The following FES variants were observed in gnomAD, a reference collection of about 807,000 sequenced individuals.
The protein encoded by FES is FES proto-oncogene, tyrosine kinase.
A neutral mutation model predicts 109.6 loss-of-function variants in FES; 83 were observed. The observed-to-expected ratio is 0.76, with a 90% CI of 0.63 to 0.91. The LOEUF (loss-of-function observed/expected upper bound fraction) is 0.91, where lower values mean the gene tolerates loss of function less well. FES is among the 40% of genes least tolerant of loss of function. The pLI, the probability that FES is intolerant of heterozygous loss-of-function variation, is 0.00. For synonymous variants in FES, 458 were observed against 442.1 expected (o/e 1.04, Z -0.45); for missense variants, 943 against 1,070.9 (o/e 0.88, Z 1.67).
Position 90,890,082 on chromosome 15 carries a change from C to T in FES, c.1050-10C>T. ...TTCTCATCCACCCTCCCACCCGCCC[C>T]TGCCTGCAGGGTGCAGCTGCTGGGC... On this transcript the variant is annotated splice_polypyrimidine_tract_variant and intron_variant, in intron 8 of 18. Coordinates refer to ENST00000328850, the MANE Select transcript of FES (RefSeq NM_002005.4). 6.5e-7 allele frequency: 1 copy of T among 1,548,936 alleles called. No individual in the cohort carries two copies.
Position 90,889,478 on chromosome 15 carries a change from C to A in FES, c.806+35C>A. On this transcript the variant is annotated intron_variant, in intron 6 of 18. Coordinates refer to ENST00000328850, the MANE Select transcript of FES (RefSeq NM_002005.4). The surrounding 1 kb of genome is among the most constrained non-coding windows in gnomAD (Gnocchi z 6.1). ...GTCCTTGCTCCTGCTGGGCCCAGGGCTGCTGGCCTGTCCACTGACGGGGCG... is the reference window on the plus strand; with the variant it reads ...GTCCTTGCTCCTGCTGGGCCCAGGGATGCTGGCCTGTCCACTGACGGGGCG... 6.2e-7 allele frequency: 1 copy of A among 1,613,920 alleles called. No individual in the cohort carries two copies. Among genetic ancestry groups the A allele is most frequent in the African/African-American group, 1.3e-5 (1 of 75,050 alleles).
In FES at chr15:90,889,967, G is replaced by T; in HGVS notation, c.1049+5G>T. 1 of 1,612,704 alleles carries T rather than the reference G, an allele frequency of 6.2e-7. No homozygotes were observed. ...GAACACCCACCCCCGGGAGCGGTGA[G>T]TGGGCCCCTGCCTGCAGCAGCCTCC... On this transcript the variant is annotated splice_donor_5th_base_variant and intron_variant, in intron 8 of 18. Coordinates refer to ENST00000328850, the MANE Select transcript of FES (RefSeq NM_002005.4). The surrounding 1 kb of genome is among the most constrained non-coding windows in gnomAD (Gnocchi z 6.1).
chr15:90,889,235 T>C lies in FES; in HGVS notation c.669-71T>C. ...CCCAGCCCTGACTCCAAACCCAGGGTCCTAGGCCTGAACTGCCCAGCCTTG... is the reference window on the plus strand; with the variant it reads ...CCCAGCCCTGACTCCAAACCCAGGGCCCTAGGCCTGAACTGCCCAGCCTTG... On this transcript the variant is annotated intron_variant, in intron 5 of 18. Transcript: ENST00000328850. The surrounding 1 kb of genome is among the most constrained non-coding windows in gnomAD (Gnocchi z 6.1). The C allele has an allele frequency of 6.3e-7, 1 of 1,586,330 alleles. No homozygotes were observed.
rs143351963 is a variant in FES at position 90,889,365 on chromosome 15, C to T, written c.728C>T (p.Ala243Val). Residue 243 changes from alanine (A) to valine (V), a missense_variant, in exon 6 of 19, where the codon GCC becomes GTC. Coordinates refer to ENST00000328850, the MANE Select transcript of FES (RefSeq NM_002005.4). The surrounding 1 kb of genome is among the most constrained non-coding windows in gnomAD (Gnocchi z 6.1). ...ISSLVQDEVVAIHREMAAAAA... is the reference protein window; with the variant it reads ...ISSLVQDEVVVIHREMAAAAA... ...AGCCTGGTGCAGGATGAGGTGGTGG[C>T]CATTCACCGGGAGATGGCTGCAGCT... 7.3e-5 allele frequency: 118 copies of T among 1,614,034 alleles called. No individual in the cohort carries two copies. Among genetic ancestry groups the T allele is most frequent in the Non-Finnish European group, 9.7e-5 (114 of 1,180,022 alleles).
At position 90,890,268 on chromosome 15, in the gene FES, C is replaced by T. The variant is rs1016627176; in HGVS notation, c.1226C>T (p.Thr409Met). ...CTCCTGCAGGATGACCGCCACTCCA[C>T]GTCGTCCTCGGTGAGCTGCCCCATC... ...VLLLQDDRHS[T>M]SSSEQEREGG... Residue 409 changes from threonine to methionine, a missense_variant, in exon 9 of 19, where the codon ACG (threonine) becomes ATG (methionine). By Grantham distance (81) the Thr-to-Met change is moderately conservative. Transcript: ENST00000328850. The T allele has an allele frequency of 2.5e-6, 4 of 1,591,384 alleles. No homozygotes were observed. Among genetic ancestry groups the T allele is most frequent in the African/African-American group, 1.3e-5 (1 of 74,796 alleles).
At position 90,889,602 on chromosome 15, in the gene FES, C is replaced by T; in HGVS notation, c.892C>T (p.Leu298=). The change falls in exon 7 of 19, where the codon CTG becomes TTG. Residue 298 remains leucine (L), a synonymous_variant. Coordinates refer to ENST00000328850, the MANE Select transcript of FES (RefSeq NM_002005.4). This position sits in a 1 kb window ranked among gnomAD's most constrained non-coding sequence, Gnocchi z 6.1. ...GEPLEPGELQ[L]NELTVESVQH... Reference sequence around the variant, plus strand: ...ACCGCTGGAGCCTGGGGAGCTCCAGCTGAACGAGCTGACTGTGGAGAGCGT... The same window carrying T: ...ACCGCTGGAGCCTGGGGAGCTCCAGTTGAACGAGCTGACTGTGGAGAGCGT... The T allele has an allele frequency of 6.2e-7, 1 of 1,613,576 alleles. No homozygotes were observed. Among genetic ancestry groups the T allele is most frequent in the Non-Finnish European group, 8.5e-7 (1 of 1,180,018 alleles).
rs763115607 is a variant in FES at position 90,891,671 on chromosome 15, C to T, written c.1648C>T (p.Pro550Ser). The T allele has an allele frequency of 1.2e-6, 2 of 1,613,710 alleles. No individual in the cohort carries two copies. Among genetic ancestry groups the T allele is most frequent in the Non-Finnish European group, 1.7e-6 (2 of 1,179,908 alleles). Residue 550 changes from proline to serine, a missense_variant, in exon 12 of 19, where the codon CCC (proline) becomes TCC (serine). Physicochemically the swap from Pro to Ser is moderately conservative, Grantham distance 74. Transcript: ENST00000328850. ...TGGTGTTGTCCTGCACAGGGCTGTG[C>T]CCAAGGTGAGCCTGCACCCAGCCTG... is the stretch of plus-strand genomic sequence containing the variant. ...KSGVVLHRAV[P>S]KDKWVLNHED... is the part of the protein sequence containing the mutation.
chr15:90,890,278 G>A lies in FES; in HGVS notation c.1236G>A (p.Ser412=), dbSNP rs763614714. The part of the protein sequence containing the change: ...LQDDRHSTSS[S]EQEREGGRTP... The stretch of plus-strand genomic sequence containing the variant: ...ATGACCGCCACTCCACGTCGTCCTC[G>A]GTGAGCTGCCCCATCCGCGGCCGCT... The change falls in exon 9 of 19, where the codon TCG becomes TCA. Residue 412 remains serine, a splice_region_variant and synonymous_variant. Coordinates refer to ENST00000328850, the MANE Select transcript of FES (RefSeq NM_002005.4). 1.6e-5 allele frequency: 25 copies of A among 1,590,252 alleles called. No homozygotes were observed. Among genetic ancestry groups the A allele is most frequent in the East Asian group, 2.2e-5 (1 of 44,552 alleles).
chr15:90,886,293 G>C (rs2032615287), intron 3 of FES, among the ~76,000 whole-genome samples: 1 of 152,224 alleles, frequency 6.6e-6, no homozygotes. Flanking sequence ...ATGCCCTTTT[G>C]TTTTCATATT....
Position 90,885,530 on chromosome 15 carries a change from A to C in FES, c.332A>C (p.Gln111Pro). 1.9e-6 allele frequency: 3 copies of C among 1,613,210 alleles called. No homozygotes were observed. The highest frequency in any genetic ancestry group is 2.5e-6 in the Non-Finnish European group (3 of 1,180,004). ...KLSLLIRERQ[Q>P]LRKTYSEQWQ... is the part of the protein sequence containing the mutation. ...AGCCTGCTCATCCGGGAACGGCAGC[A>C]GCTTCGCAAGACCTACAGCGAGCAG... Residue 111 changes from glutamine to proline, a missense_variant, in exon 3 of 19, where the codon CAG becomes CCG. By Grantham distance (76) the Gln-to-Pro change is moderately conservative. Transcript: ENST00000328850.
At chr15:90,887,983 G>A (rs1213075174) in intron 5 of FES, among the ~76,000 whole-genome samples, 7 of 152,208 alleles carry the variant, frequency 4.6e-5, no homozygotes, top group African/African-American at 1.4e-4. Flanking sequence ...AGTCATACAC[G>A]AGGCTGGAGG....
Position 90,890,499 on chromosome 15 carries a change from G to C in FES, c.1320+15G>C. ...CCAAGTTCTCGGTGAGTGGCGCCCAGCCTGGGCCCCCCTACTGTTGTGTTT... is the reference window on the plus strand; with the variant it reads ...CCAAGTTCTCGGTGAGTGGCGCCCACCCTGGGCCCCCCTACTGTTGTGTTT... On this transcript the variant is annotated intron_variant, in intron 10 of 18. Coordinates refer to ENST00000328850, the MANE Select transcript of FES (RefSeq NM_002005.4). The C allele has an allele frequency of 6.2e-7, 1 of 1,606,996 alleles. No individual in the cohort carries two copies. The highest frequency in any genetic ancestry group is 8.5e-7 in the Non-Finnish European group (1 of 1,175,422).
chr15:90,888,091 G>C (rs1465370270), intron 5 of FES, among the ~76,000 whole-genome samples: 1 of 152,084 alleles, frequency 6.6e-6, no homozygotes, highest in Non-Finnish European at 1.5e-5. Context: ...TCTGACCTCT[G>C]TTTTTTTGTT....
At chr15:90,894,472 C>T (rs2033526309) in intron 18 of FES, among the ~76,000 whole-genome samples, 1 of 152,178 alleles carries the variant, frequency 6.6e-6, no homozygotes, top group Admixed American at 6.5e-5. Context: ...GTAATCCCAG[C>T]TACTTGGGAG....
rs776414086 is a variant in FES, at chr15:90,895,474, G to A, written c.2385G>A (p.Gln795=). ...ATGCCGTGTTCAGGCTCATGGAGCAGTGCTGGGCCTATGAGCCTGGGCAGC... is the reference window on the plus strand; with the variant it reads ...ATGCCGTGTTCAGGCTCATGGAGCAATGCTGGGCCTATGAGCCTGGGCAGC... The part of the protein sequence containing the change: ...CPDAVFRLME[Q]CWAYEPGQRP... Residue 795 remains glutamine (Q), a synonymous_variant, in exon 19 of 19, where the codon CAG becomes CAA. Transcript: ENST00000328850. 3.8e-6 allele frequency: 6 copies of A among 1,598,630 alleles called. No homozygotes were observed. Among genetic ancestry groups the A allele is most frequent in the East Asian group, 2.3e-5 (1 of 43,758 alleles).
Position 90,889,228 on chromosome 15 carries a change from C to T in FES, c.669-78C>T. The T allele has an allele frequency of 6.4e-7, 1 of 1,566,900 alleles. No individual in the cohort carries two copies. Among genetic ancestry groups the T allele is most frequent in the Non-Finnish European group, 8.7e-7 (1 of 1,154,770 alleles). On this transcript the variant is annotated intron_variant, in intron 5 of 18. Transcript: ENST00000328850. The surrounding 1 kb of genome is among the most constrained non-coding windows in gnomAD (Gnocchi z 6.1). ...GGTCAACCCCAGCCCTGACTCCAAA[C>T]CCAGGGTCCTAGGCCTGAACTGCCC...
rs776321088 is a variant in FES at position 90,893,137 on chromosome 15, C to G, written c.1864C>G (p.Leu622Val). 2.5e-6 allele frequency: 4 copies of G among 1,613,900 alleles called. No homozygotes were observed. The Admixed American group carries it at 6.7e-5, about 27-fold the overall frequency. ...GTACAGCCACCCCAACATCGTGCGT[C>G]TCATTGGTGTCTGCACCCAGAAGCA... ...KQYSHPNIVR[L>V]IGVCTQKQPI... The change falls in exon 15 of 19, where the codon CTC becomes GTC. Residue 622 changes from leucine (L) to valine (V), a missense_variant. By Grantham distance (32) the Leu-to-Val change is conservative. Coordinates refer to ENST00000328850, the MANE Select transcript of FES (RefSeq NM_002005.4).
rs368178849 is a variant in FES at position 90,889,636 on chromosome 15, C to T, written c.926C>T (p.Thr309Met). 7.6e-5 allele frequency: 122 copies of T among 1,612,914 alleles called. No homozygotes were observed. The highest frequency in any genetic ancestry group is 5.1e-4 in the South Asian group (46 of 91,022). Residue 309 changes from threonine to methionine, a missense_variant and splice_region_variant, in exon 7 of 19, where the codon ACG becomes ATG. Transcript: ENST00000328850. The surrounding 1 kb of genome is among the most constrained non-coding windows in gnomAD (Gnocchi z 6.1). ...NELTVESVQH[T>M]LTSVTDELAV... ...CTGACTGTGGAGAGCGTGCAGCACA[C>T]GTGGGTGGTGGCTTTGCACCTGGGC...
rs1167326310 is a variant in FES, at chr15:90,889,897, G to A, written c.984G>A (p.Gln328=). The change falls in exon 8 of 19, where the codon CAG becomes CAA. Residue 328 remains glutamine, a synonymous_variant. Transcript: ENST00000328850. This position sits in a 1 kb window ranked among gnomAD's most constrained non-coding sequence, Gnocchi z 6.1. ...CCACCGAGATGGTGTTCAGGCGGCAGGAGATGGTTACGCAGCTGCAACAGG... is the reference window on the plus strand; with the variant it reads ...CCACCGAGATGGTGTTCAGGCGGCAAGAGATGGTTACGCAGCTGCAACAGG... ...AVATEMVFRR[Q]EMVTQLQQEL... 8.7e-6 allele frequency: 14 copies of A among 1,613,668 alleles called. No individual in the cohort carries two copies. Among genetic ancestry groups the A allele is most frequent in the Non-Finnish European group, 1.1e-5 (13 of 1,179,956 alleles).
Sources: allele counts gnomAD v4.1 joint callset (sites outside exome capture counted in the v4.1 genomes callset), GRCh38; gene constraint gnomAD v4.1.1; non-coding constraint Gnocchi (gnomAD v3.1); transcripts MANE v1.5; gene names NCBI Gene and HGNC (gene_info 2026-07-23, HGNC 2026-07-21).